Variants in NIPAL2 observed in about 807,000 individuals in gnomAD.
The protein encoded by NIPAL2 is NIPA like domain containing 2.
Under a neutral mutation model 48.9 loss-of-function variants are expected in NIPAL2, and 43 were observed. The ratio of observed to expected loss-of-function variants is 0.88; its 90% CI spans 0.69 to 1.13. NIPAL2 has a LOEUF of 1.13. Among genes scored for constraint, NIPAL2 ranks in the 50% most tolerant of loss-of-function variants. NIPAL2 has a pLI of 0.00. For synonymous variants in NIPAL2, 167 were observed against 174.6 expected (o/e 0.96, Z 0.34); for missense variants, 446 against 461.4 (o/e 0.97, Z 0.31).
chr8:98,235,932 A>C (rs1187386318), intron 4 of NIPAL2, among the ~76,000 whole-genome samples: 3 of 151,844 alleles, frequency 2.0e-5, no homozygotes, highest in Non-Finnish European at 4.4e-5. Flanking sequence ...AATTTGCTAT[A>C]GCAAAAATTG....
intron 1 of NIPAL2, among the ~76,000 whole-genome samples, chr8:98,276,815 C>T (rs2130890507): frequency 6.6e-6 from 1 of 151,282 alleles, no homozygotes; most frequent in South Asian, 2.1e-4. Context: ...CTCTGTTGCC[C>T]AGGCTGAAGT....
At chr8:98,256,235 G>A (rs1327079215) in intron 1 of NIPAL2, among the ~76,000 whole-genome samples, 1 of 152,082 alleles carries the variant, frequency 6.6e-6, no homozygotes, top group Non-Finnish European at 1.5e-5. Flanking sequence ...TGTTGGTCAG[G>A]CTGGTCTCGA....
At chr8:98,290,532 A>G (rs915408444) in intron 1 of NIPAL2, among the ~76,000 whole-genome samples, 1 of 152,178 alleles carries the variant, frequency 6.6e-6, no homozygotes, top group Non-Finnish European at 1.5e-5. Context: ...ACCACATAGC[A>G]TGAGGGAAGC....
intron 5 of NIPAL2, among the ~76,000 whole-genome samples, chr8:98,220,224 G>C (rs533719601): frequency 6.6e-6 from 1 of 152,070 alleles, no homozygotes; most frequent in African/African-American, 2.4e-5. Flanking sequence ...AACTGCTTCG[G>C]TCCTGTACTT....
chr8:98,259,907 A>G (rs1161510945), intron 1 of NIPAL2, among the ~76,000 whole-genome samples: 1 of 152,218 alleles, frequency 6.6e-6, no homozygotes, highest in Admixed American at 6.5e-5. Flanking sequence ...ACCCATATCA[A>G]TGAACCCCCA....
At position 98,194,646 on chromosome 8, in the gene NIPAL2, T is replaced by C. The variant is rs3735888; in HGVS notation, c.1039+82A>G. On this transcript the variant is annotated intron_variant, in intron 10 of 10. Coordinates refer to ENST00000430223, the MANE Select transcript of NIPAL2 (RefSeq NM_001321635.2). ...TTTAGGATAAGAATTATGTTTTATA[T>C]TAACTTACCACCCAAAATAATACCA... The C allele has an allele frequency of 2.4e-3, 1,689 of 697,932 alleles. 52 individuals are homozygous for C. The East Asian group carries it at 0.05, about 21-fold the overall frequency. 43.2% of individuals were successfully genotyped at this position (697,932 alleles called of 1,614,324 possible). A position where few individuals can be genotyped will look rare whatever the true frequency, so the allele number is the denominator to read the frequency against.
intron 1 of NIPAL2, among the ~76,000 whole-genome samples, chr8:98,278,604 C>T (rs1815618899): frequency 6.6e-6 from 1 of 152,150 alleles, no homozygotes; most frequent in Non-Finnish European, 1.5e-5. Context: ...ATGTATTATA[C>T]AATACTGCAA....
chr8:98,285,965 C>T (rs1816130333), intron 1 of NIPAL2, among the ~76,000 whole-genome samples: 1 of 152,178 alleles, frequency 6.6e-6, no homozygotes, highest in South Asian at 2.1e-4. Context: ...GTGTTGGAAA[C>T]TTAATCTCCA....
At chr8:98,255,406 C>T (rs1021797013) in intron 1 of NIPAL2, among the ~76,000 whole-genome samples, 2 of 152,144 alleles carry the variant, frequency 1.3e-5, no homozygotes, top group African/African-American at 4.8e-5. Context: ...TTCAAATGAG[C>T]ATTGCAACCA....
intron 2 of NIPAL2, among the ~76,000 whole-genome samples, chr8:98,252,886 C>T (rs991913422): frequency 6.6e-6 from 1 of 152,056 alleles, no homozygotes; most frequent in African/African-American, 2.4e-5. Flanking sequence ...TTCAATTACC[C>T]ATGGTCAGAA....
chr8:98,227,127 C>T (rs943084855), intron 4 of NIPAL2, among the ~76,000 whole-genome samples: 7 of 152,008 alleles, frequency 4.6e-5, no homozygotes, highest in Non-Finnish European at 1.0e-4. Context: ...TGCTGCCAGA[C>T]CTGCCACTAC....
At chr8:98,196,149 T>C (rs1403941453) in intron 8 of NIPAL2, 144 bp from the exon 9 acceptor site, 10 of 489,132 alleles carry the variant, frequency 2.0e-5, no homozygotes, top group Non-Finnish European at 3.6e-5. Context: ...GCAGTTTAGT[T>C]TAAGAAAATT....
intron 6 of NIPAL2, among the ~76,000 whole-genome samples, chr8:98,210,922 AC>A (rs1168876842): frequency 2.0e-5 from 3 of 152,182 alleles, no homozygotes; most frequent in Non-Finnish European, 4.4e-5. Context: ...TGTAGCCAAA[AC>A]ACTTCGCAAC....
intron 4 of NIPAL2, among the ~76,000 whole-genome samples, chr8:98,234,221 C>T (rs539869533): frequency 8.5e-5 from 13 of 152,222 alleles, no homozygotes; most frequent in South Asian, 8.3e-4. Flanking sequence ...ACTAAAGACT[C>T]ATGACATTAT....
intron 4 of NIPAL2, among the ~76,000 whole-genome samples, chr8:98,230,329 T>C (rs1438433610): frequency 6.6e-6 from 1 of 152,184 alleles, no homozygotes; most frequent in Non-Finnish European, 1.5e-5. Context: ...TTTTCTGGCC[T>C]TAAGTTTCCT....
chr8:98,206,382 G>A (rs1811039594), intron 6 of NIPAL2, among the ~76,000 whole-genome samples: 1 of 151,866 alleles, frequency 6.6e-6, no homozygotes, highest in South Asian at 2.1e-4. Context: ...ACAGCAAGTG[G>A]TGGCCAGCCA....
chr8:98,255,487 A>G (rs1193579755), intron 1 of NIPAL2, among the ~76,000 whole-genome samples: 2 of 152,246 alleles, frequency 1.3e-5, no homozygotes, highest in Non-Finnish European at 2.9e-5. Flanking sequence ...TTTTTGTAGC[A>G]ATAAGACACC....
chr8:98,241,189 GTGA>G (rs1354007391), intron 3 of NIPAL2, among the ~76,000 whole-genome samples: 1 of 152,180 alleles, frequency 6.6e-6, no homozygotes, highest in Non-Finnish European at 1.5e-5. Context: ...TCTTTACTTA[GTGA>G]TGATATGTGT....
In NIPAL2 at chr8:98,254,158, G is replaced by C. The variant is rs181401350; in HGVS notation, c.136-71C>G. ...ACTGGAAGAAAAAAGACAAATTTAG[G>C]TGTTCATTCATTTGTTCAGTAATTC... On this transcript the variant is annotated intron_variant, in intron 1 of 10. Coordinates refer to ENST00000430223, the MANE Select transcript of NIPAL2 (RefSeq NM_001321635.2). 294 of 1,272,482 alleles carry C rather than the reference G, an allele frequency of 2.3e-4. No individual in the cohort carries two copies. The East Asian group carries it at 6.5e-3, about 28-fold the overall frequency. 78.8% of individuals were successfully genotyped at this position (1,272,482 alleles called of 1,614,324 possible).
Sources: allele counts gnomAD v4.1 joint callset (sites outside exome capture counted in the v4.1 genomes callset), GRCh38; gene constraint gnomAD v4.1.1; transcripts MANE v1.5; gene names NCBI Gene and HGNC (gene_info 2026-07-23, HGNC 2026-07-21).